Variants in THSD4 observed in about 807,000 individuals in gnomAD.
THSD4 encodes the protein thrombospondin type 1 domain containing 4.
THSD4 carries 69 observed loss-of-function variants against 119.0 expected under a neutral mutation model. That is an observed-to-expected ratio of 0.58 (90% CI 0.48 to 0.71). The LOEUF (loss-of-function observed/expected upper bound fraction) is 0.71. Ranked by LOEUF, THSD4 falls within the 30% of genes least tolerant of loss-of-function variation. The pLI is 0.00. For missense variants in THSD4, 1,393 were observed against 1,391.1 expected, an observed-to-expected ratio of 1.00 and a Z score of -0.02; for synonymous variants, 524 against 540.4, an observed-to-expected ratio of 0.97 and a Z score of 0.42.
intron 3 of THSD4, among the ~76,000 whole-genome samples, chr15:71,199,596 GAT>G (rs2043757770): frequency 9.8e-5 from 10 of 102,250 alleles, no homozygotes; most frequent in South Asian, 6.8e-4. Context: ...GGGTGTGTGT[GAT>G]GTATGGTGTG....
intron 6 of THSD4, among the ~76,000 whole-genome samples, chr15:71,347,547 T>A (rs747208347): frequency 2.6e-5 from 4 of 152,224 alleles, no homozygotes; most frequent in Non-Finnish European, 5.9e-5. Flanking sequence ...ACTGATAACT[T>A]TGGTGTCCCA....
At chr15:71,236,542 T>C (rs1426238471) in intron 4 of THSD4, among the ~76,000 whole-genome samples, 1 of 152,222 alleles carries the variant, frequency 6.6e-6, no homozygotes, top group Non-Finnish European at 1.5e-5. Context: ...TTAACAGTCT[T>C]TTAATAAGAT....
intron 3 of THSD4, among the ~76,000 whole-genome samples, chr15:71,159,500 C>T (rs2043229934): frequency 6.6e-6 from 1 of 151,940 alleles, no homozygotes; most frequent in African/African-American, 2.4e-5. Context: ...GCTCTTTCAC[C>T]TCCTTACTTA....
Position 71,351,229 on chromosome 15 carries a change from C to A in THSD4, c.1016-60458C>A, listed in dbSNP as rs113909623. 9.3e-3 allele frequency among the ~76,000 whole-genome samples: 1,415 copies of A among 152,272 alleles called. 27 individuals carry two copies. Among genetic ancestry groups the A allele is most frequent in the African/African-American group, 0.032 (1,335 of 41,542 alleles). ...CACTGCAAGAGGTTTTAGAGATCAT[C>A]TGGTGCAAGCCTGTCTTTTATACAG... is the stretch of plus-strand genomic sequence containing the variant. On this transcript the variant is annotated intron_variant, in intron 6 of 17. Coordinates refer to ENST00000261862, the MANE Select transcript of THSD4 (RefSeq NM_024817.3).
At chr15:71,435,993 A>G (rs1244361619) in intron 7 of THSD4, among the ~76,000 whole-genome samples, 1 of 152,216 alleles carries the variant, frequency 6.6e-6, no homozygotes, top group African/African-American at 2.4e-5. Flanking sequence ...TAGCTACTGG[A>G]CGTGACCTGA....
chr15:71,724,287 A>ATATATTTTTTTT, intron 8 of THSD4, among the ~76,000 whole-genome samples: 1 of 37,288 alleles, frequency 2.7e-5, no homozygotes, highest in Admixed American at 4.1e-4. Flanking sequence ...ATATATATAT[A>ATATATTTTTTTT]TTTTTTTTTT....
At chr15:71,272,446 C>A (rs2044542888) in intron 6 of THSD4, among the ~76,000 whole-genome samples, 2 of 139,860 alleles carry the variant, frequency 1.4e-5, no homozygotes, top group Admixed American at 1.4e-4. Context: ...GAGGGAGGGG[C>A]AAAGGACCTG....
intron 15 of THSD4, among the ~76,000 whole-genome samples, chr15:71,759,383 C>T (rs887054519): frequency 2.6e-5 from 4 of 152,190 alleles, no homozygotes; most frequent in African/African-American, 4.8e-5. Context: ...GATTTAACCT[C>T]TCTGAGCCTG....
intron 3 of THSD4, among the ~76,000 whole-genome samples, chr15:71,192,243 T>A (rs1476803512): frequency 6.6e-6 from 1 of 152,026 alleles, no homozygotes; most frequent in African/African-American, 2.4e-5. Context: ...AAAGCCTTTT[T>A]TTGATGTGTA....
Position 71,243,115 on chromosome 15 carries a change from T to C in THSD4, c.912+19T>C. On this transcript the variant is annotated intron_variant, in intron 5 of 17. Coordinates refer to ENST00000261862, the MANE Select transcript of THSD4 (RefSeq NM_024817.3). Reference sequence around the variant, plus strand: ...CACCAACGTGAGTACACACAACCCATACCGGGCCTGGAAACAGCTGCCCCT... The same window carrying C: ...CACCAACGTGAGTACACACAACCCACACCGGGCCTGGAAACAGCTGCCCCT... 3 of 1,588,892 alleles carry C rather than the reference T, an allele frequency of 1.9e-6. No homozygotes were observed. In the South Asian group the frequency reaches 3.5e-5, roughly 18 times the overall value.
intron 7 of THSD4, among the ~76,000 whole-genome samples, chr15:71,478,257 A>G (rs1171393969): frequency 6.6e-6 from 1 of 152,224 alleles, no homozygotes; most frequent in African/African-American, 2.4e-5. Context: ...AAGCAGGTAT[A>G]AAAATAGATG....
chr15:71,527,454 C>T (rs927016928), intron 7 of THSD4, among the ~76,000 whole-genome samples: 1 of 151,976 alleles, frequency 6.6e-6, no homozygotes, highest in Non-Finnish European at 1.5e-5. Flanking sequence ...TATAACTTCC[C>T]AACACTTTCT....
At chr15:71,660,836 C>A in intron 8 of THSD4, 102 bp downstream of exon 8, 4 of 1,348,596 alleles carry the variant, frequency 3.0e-6, no homozygotes. Flanking sequence ...AGTCCCGGGG[C>A]ATGCAGGCAG....
chr15:71,395,948 CACACAAACACAG>C (rs1273776590), intron 6 of THSD4, among the ~76,000 whole-genome samples: 3 of 149,730 alleles, frequency 2.0e-5, no homozygotes, highest in South Asian at 2.1e-4. Flanking sequence ...CACACACACA[CACACAAACACAG>C]ACTTTGTTGA....
chr15:71,600,409 C>G (rs2049984390), intron 7 of THSD4, among the ~76,000 whole-genome samples: 1 of 152,184 alleles, frequency 6.6e-6, no homozygotes, highest in Non-Finnish European at 1.5e-5. Flanking sequence ...AATACATGAC[C>G]TTTACTCTTC....
At chr15:71,239,657 A>G (rs1026374019) in intron 4 of THSD4, among the ~76,000 whole-genome samples, 3 of 152,166 alleles carry the variant, frequency 2.0e-5, no homozygotes, top group Non-Finnish European at 4.4e-5. Context: ...AAGCCGAACT[A>G]CTCAACAGCT....
intron 4 of THSD4, among the ~76,000 whole-genome samples, chr15:71,219,495 G>A (rs1314919031): frequency 1.3e-5 from 2 of 152,146 alleles, no homozygotes; most frequent in African/African-American, 4.8e-5. Flanking sequence ...TGCCTAATGG[G>A]GATTCTGATT....
chr15:71,208,400 T>C (rs1411792455), intron 3 of THSD4, among the ~76,000 whole-genome samples: 1 of 152,190 alleles, frequency 6.6e-6, no homozygotes, highest in Non-Finnish European at 1.5e-5. Context: ...CCTCTAACAC[T>C]GTCACAGTCT....
In THSD4 at chr15:71,728,636, T is replaced by A; in HGVS notation, c.1445T>A (p.Phe482Tyr). The change falls in exon 9 of 18, where the codon TTC becomes TAC. Residue 482 changes from phenylalanine to tyrosine, a missense_variant. Physicochemically the swap from Phe to Tyr is conservative, Grantham distance 22. Coordinates refer to ENST00000261862, the MANE Select transcript of THSD4 (RefSeq NM_024817.3). The stretch of plus-strand genomic sequence containing the variant: ...AAATACGAGGGCGGAGGGACCATGT[T>A]CACCTACAAGCGTCCAAATGAGATT... The part of the protein sequence containing the change: ...PGKYEGGGTM[F>Y]TYKRPNEISS... 6.2e-7 allele frequency: 1 copy of A among 1,614,208 alleles called. No individual in the cohort carries two copies. Among genetic ancestry groups the A allele is most frequent in the Non-Finnish European group, 8.5e-7 (1 of 1,180,040 alleles).
Sources: allele counts gnomAD v4.1 joint callset (sites outside exome capture counted in the v4.1 genomes callset), GRCh38; gene constraint gnomAD v4.1.1; transcripts MANE v1.5; gene names NCBI Gene and HGNC (gene_info 2026-07-23, HGNC 2026-07-21).